Variants in NAV2 observed in about 807,000 individuals in gnomAD.
NAV2 encodes the protein helicase, APC down-regulated 1.
NAV2 carries 54 observed loss-of-function variants against 223.2 expected under a neutral mutation model. The ratio of observed to expected loss-of-function variants is 0.24; its 90% CI spans 0.19 to 0.30. The LOEUF is 0.30. Among genes scored for constraint, NAV2 ranks in the 10% least tolerant of loss-of-function variants. The probability of loss-of-function intolerance (pLI) is 1.00; values close to 1 mark genes in which losing one functional copy is unlikely to be tolerated. For missense variants in NAV2, 2,806 were observed against 3,147.5 expected (o/e 0.89, Z 2.60); for synonymous variants, 1,279 against 1,239.3 (o/e 1.03, Z -0.67).
intron 4 of NAV2, among the ~76,000 whole-genome samples, chr11:19,875,660 G>A (rs1807507011): frequency 6.6e-6 from 1 of 152,286 alleles, no homozygotes; most frequent in East Asian, 1.9e-4. Context: ...TGAGCACAAG[G>A]AATCTTTTTA....
chr11:19,383,390 C>T (rs1848918457), intron 1 of NAV2, among the ~76,000 whole-genome samples: 1 of 152,124 alleles, frequency 6.6e-6, no homozygotes, highest in Admixed American at 6.5e-5. Flanking sequence ...TCAATTTGCC[C>T]CCAGCATTAA....
chr11:19,832,633 G>C lies in NAV2; in HGVS notation c.385+32G>C, dbSNP rs566663922. 1.9e-5 allele frequency: 30 copies of C among 1,569,222 alleles called. No individual in the cohort carries two copies. In the South Asian group the frequency reaches 3.2e-4, roughly 17 times the overall value. On this transcript the variant is annotated intron_variant, in intron 2 of 37. Transcript: ENST00000349880. ...GCAGATTTTACCTTGGGGGTAATGA[G>C]TTACAGTGGAGCCATCTCAAAAGGC...
chr11:19,561,803 T>C (rs1260538646), intron 1 of NAV2, among the ~76,000 whole-genome samples: 1 of 152,216 alleles, frequency 6.6e-6, no homozygotes, highest in Non-Finnish European at 1.5e-5. Flanking sequence ...TTAAGTGACT[T>C]GGCCAAGGCT....
At chr11:19,364,179 C>T (rs1287335012) in intron 1 of NAV2, among the ~76,000 whole-genome samples, 2 of 152,134 alleles carry the variant, frequency 1.3e-5, no homozygotes, top group Non-Finnish European at 2.9e-5. Flanking sequence ...TTAACATAAA[C>T]GGAGGTATGC....
At chr11:19,725,014 T>C (rs1223552234) in intron 1 of NAV2, among the ~76,000 whole-genome samples, 4 of 152,228 alleles carry the variant, frequency 2.6e-5, no homozygotes, top group African/African-American at 9.6e-5. Flanking sequence ...TTTCAACACA[T>C]TGTGCAAGCT....
At chr11:19,905,386 G>A (rs2042784235) in intron 6 of NAV2, among the ~76,000 whole-genome samples, 1 of 152,084 alleles carries the variant, frequency 6.6e-6, no homozygotes, top group South Asian at 2.1e-4. Context: ...CCTCATCTAA[G>A]AGCCAGATAG....
chr11:19,646,925 G>A (rs990537112), intron 1 of NAV2, among the ~76,000 whole-genome samples: 1 of 152,152 alleles, frequency 6.6e-6, no homozygotes, highest in Non-Finnish European at 1.5e-5. Context: ...CACTACAGGA[G>A]GACAGCCCCC....
At chr11:19,689,310 G>T (rs918894954) in intron 1 of NAV2, among the ~76,000 whole-genome samples, 1 of 152,194 alleles carries the variant, frequency 6.6e-6, no homozygotes, top group Admixed American at 6.5e-5. Context: ...AAAATAATTT[G>T]CCAGCTCCAA....
chr11:19,604,808 C>T (rs1297585962), intron 1 of NAV2, among the ~76,000 whole-genome samples: 8 of 152,022 alleles, frequency 5.3e-5, no homozygotes, highest in South Asian at 2.1e-4. Context: ...ATTATGGGGG[C>T]GGGTCTTTCC....
intron 11 of NAV2, among the ~76,000 whole-genome samples, chr11:20,015,517 A>G (rs1161554916): frequency 6.6e-6 from 1 of 152,232 alleles, no homozygotes; most frequent in East Asian, 1.9e-4. Context: ...CTTCCCTATA[A>G]TATGTCCTCA....
chr11:19,423,530 T>C (rs1428983711), intron 1 of NAV2, among the ~76,000 whole-genome samples: 2 of 152,208 alleles, frequency 1.3e-5, no homozygotes, highest in African/African-American at 4.8e-5. Context: ...GACTGAAACT[T>C]AGCATCTTAA....
chr11:19,696,591 T>C (rs190025669), intron 1 of NAV2, among the ~76,000 whole-genome samples: 1 of 152,348 alleles, frequency 6.6e-6, no homozygotes, highest in East Asian at 1.9e-4. Context: ...ATGATCAGGA[T>C]CATGGTTTAC....
Position 20,086,610 on chromosome 11 carries a change from A to G in NAV2, c.5498+3431A>G, listed in dbSNP as rs78208517. On this transcript the variant is annotated intron_variant, in intron 26 of 37. Coordinates refer to ENST00000349880, the MANE Select transcript of NAV2 (RefSeq NM_145117.5). ...ACCCCAGATCTACAGTAGAAGCTCC[A>G]TGGAGGTAAGTACTGTATTGGTTTT... Among the ~76,000 whole-genome samples, 810 of 152,222 alleles carry G rather than the reference A, an allele frequency of 5.3e-3. 10 individuals carry two copies. The highest frequency in any genetic ancestry group is 0.019 in the African/African-American group (775 of 41,542).
chr11:19,432,872 T>G (rs866973451), intron 1 of NAV2, among the ~76,000 whole-genome samples: 6 of 152,202 alleles, frequency 3.9e-5, no homozygotes, highest in African/African-American at 1.4e-4. Context: ...TGCTGTCCTC[T>G]GAGGCAATTC....
chr11:19,510,387 T>G (rs927411499), intron 1 of NAV2, among the ~76,000 whole-genome samples: 6 of 152,204 alleles, frequency 3.9e-5, no homozygotes, highest in Non-Finnish European at 5.9e-5. Context: ...CCATACTGAT[T>G]TCTTGTCTCC....
intron 36 of NAV2, among the ~76,000 whole-genome samples, chr11:20,107,993 G>A (rs1452176547): frequency 6.6e-6 from 1 of 152,230 alleles, no homozygotes; most frequent in East Asian, 1.9e-4. Flanking sequence ...CAGGCCAGCT[G>A]GTTAGCCTTT....
chr11:19,563,022 C>T (rs527925932), intron 1 of NAV2, among the ~76,000 whole-genome samples: 1 of 147,054 alleles, frequency 6.8e-6, no homozygotes, highest in South Asian at 2.2e-4. Flanking sequence ...CCAGCAGAGA[C>T]CCAATTAACA....
At chr11:19,670,570 G>A (rs923949152) in intron 1 of NAV2, among the ~76,000 whole-genome samples, 1 of 152,222 alleles carries the variant, frequency 6.6e-6, no homozygotes, top group Non-Finnish European at 1.5e-5. Context: ...TGCTGAGGGT[G>A]TCTGAAGTCC....
At chr11:19,950,496 C>T (rs957235626) in intron 10 of NAV2, among the ~76,000 whole-genome samples, 2 of 152,232 alleles carry the variant, frequency 1.3e-5, no homozygotes, top group African/African-American at 4.8e-5. Context: ...TATTGAAATA[C>T]TACAACTACT....
Sources: allele counts gnomAD v4.1 joint callset (sites outside exome capture counted in the v4.1 genomes callset), GRCh38; gene constraint gnomAD v4.1.1; transcripts MANE v1.5; gene names NCBI Gene and HGNC (gene_info 2026-07-23, HGNC 2026-07-21).